The following PCSK6 variants were observed in gnomAD, a reference collection of about 807,000 sequenced individuals.
PCSK6 encodes the protein proprotein convertase subtilisin/kexin type 6.
Under a neutral mutation model 123.3 loss-of-function variants are expected in PCSK6, and 85 were observed. The ratio of observed to expected loss-of-function variants is 0.69; its 90% CI spans 0.58 to 0.83. The LOEUF is 0.83. PCSK6 is among the 40% of genes least tolerant of loss of function. The pLI, the probability that PCSK6 is intolerant of heterozygous loss-of-function variation, is 0.00. For missense variants in PCSK6, 1,191 were observed against 1,282.3 expected (o/e 0.93, Z 1.09); for synonymous variants, 508 against 516.0 (o/e 0.98, Z 0.21).
chr15:101,404,839 G>A (rs937386082), intron 6 of PCSK6, among the ~76,000 whole-genome samples: 1 of 152,134 alleles, frequency 6.6e-6, no homozygotes, highest in Non-Finnish European at 1.5e-5. Context: ...CAATTCTGAT[G>A]CTCTAAGTGG....
chr15:101,432,459 C>CAAA (rs56385883), intron 2 of PCSK6, among the ~76,000 whole-genome samples: 2,227 of 117,246 alleles, frequency 0.019, 93 homozygotes, highest in African/African-American at 0.057. Flanking sequence ...CCCACCTCTC[C>CAAA]AAAAAAAAAA....
chr15:101,396,636 G>A (rs766947616), intron 7 of PCSK6, among the ~76,000 whole-genome samples: 2 of 152,100 alleles, frequency 1.3e-5, no homozygotes, highest in East Asian at 1.9e-4. Context: ...TTATGTATTC[G>A]GCAGTTCTTG....
At chr15:101,417,333 C>T (rs1461543455) in intron 6 of PCSK6, among the ~76,000 whole-genome samples, 10 of 152,096 alleles carry the variant, frequency 6.6e-5, no homozygotes, top group Admixed American at 1.3e-4. Flanking sequence ...AGTGTGAAAA[C>T]GGACTAATGC....
At chr15:101,308,148 G>A (rs1211080575) in intron 20 of PCSK6, 3 of 152,296 alleles carry the variant, frequency 2.0e-5, no homozygotes, top group South Asian at 2.1e-4. Context: ...GAAGGAGCAC[G>A]TTTCCCATCC....
rs2141120948 is a variant in PCSK6 at position 101,432,091 on chromosome 15, G to A, written c.412C>T (p.Leu138Phe). 2.5e-6 allele frequency: 4 copies of A among 1,613,066 alleles called. No homozygotes were observed. In the East Asian group the frequency reaches 6.7e-5, roughly 27 times the overall value. Residue 138 changes from leucine to phenylalanine, a missense_variant, in exon 3 of 22, where the codon CTC (leucine) becomes TTC (phenylalanine). This residue lies in a region of PCSK6 where 357 missense variants were observed against 484.5 expected (regional missense o/e 0.74). Transcript: ENST00000611716. ...CTTCGTTTCACTTCCTGTTGCTGGA[G>A]CCATTTCACCTACCAGAAGAAATGC... ...FLRMDPQVKW[L>F]QQQEVKRRVK...
intron 1 of PCSK6, among the ~76,000 whole-genome samples, chr15:101,479,110 G>A (rs1278162105): frequency 6.6e-6 from 1 of 152,182 alleles, no homozygotes; most frequent in Non-Finnish European, 1.5e-5. Flanking sequence ...AGGGTCTAGC[G>A]GGGAGAGAGA....
rs149727892 is a variant in PCSK6 at position 101,446,781 on chromosome 15, G to A, written c.298-3121C>T. On this transcript the variant is annotated intron_variant, in intron 1 of 21. Transcript: ENST00000611716. ...GGCTGGGAAGTGGCGGTCCATACAC[G>A]GAGTGACTCAAACACAGGTGCGGCT... Among the ~76,000 whole-genome samples the A allele has an allele frequency of 7.6e-3, 1,155 of 152,306 alleles. 15 individuals carry two copies. The highest frequency in any genetic ancestry group is 0.025 in the African/African-American group (1,041 of 41,564).
chr15:101,421,327 G>A (rs1401618081), intron 6 of PCSK6, among the ~76,000 whole-genome samples: 2 of 152,178 alleles, frequency 1.3e-5, no homozygotes, highest in Non-Finnish European at 2.9e-5. Flanking sequence ...TATAAGGAAT[G>A]TGCAGTTTTA....
intron 13 of PCSK6, among the ~76,000 whole-genome samples, chr15:101,341,248 G>GTTTTTTTTT: frequency 7.7e-6 from 1 of 129,642 alleles, no homozygotes; most frequent in African/African-American, 3.0e-5. Flanking sequence ...AAAGTGTGGG[G>GTTTTTTTTT]TTTTTTTTTT....
At chr15:101,416,192 G>A (rs145566216) in intron 6 of PCSK6, among the ~76,000 whole-genome samples, 1 of 152,336 alleles carries the variant, frequency 6.6e-6, no homozygotes, top group Non-Finnish European at 1.5e-5. Context: ...CCATGGTCAG[G>A]TGGTCTCAGA....
At chr15:101,461,351 A>C (rs1427468147) in intron 1 of PCSK6, among the ~76,000 whole-genome samples, 1 of 152,238 alleles carries the variant, frequency 6.6e-6, no homozygotes, top group African/African-American at 2.4e-5. Flanking sequence ...TCCACTAAAG[A>C]AACTGAAACA....
At chr15:101,393,724 C>G (rs140006494) in intron 7 of PCSK6, among the ~76,000 whole-genome samples, 70 of 152,308 alleles carry the variant, frequency 4.6e-4, no homozygotes, top group Non-Finnish European at 1.2e-4. Flanking sequence ...ACAAGCTGCT[C>G]TATTCCAGAG....
chr15:101,341,330 C>A (rs1159566806), intron 13 of PCSK6, among the ~76,000 whole-genome samples: 1 of 149,864 alleles, frequency 6.7e-6, no homozygotes, highest in Non-Finnish European at 1.5e-5. Context: ...CTCACTGCAA[C>A]CTCTGCCTCC....
chr15:101,363,529 T>G (rs2041296024), intron 13 of PCSK6, among the ~76,000 whole-genome samples: 1 of 152,242 alleles, frequency 6.6e-6, no homozygotes, highest in South Asian at 2.1e-4. Flanking sequence ...CAATACACTT[T>G]GGGGCTTTTA....
chr15:101,358,374 C>G (rs1045418328), intron 13 of PCSK6, among the ~76,000 whole-genome samples: 3 of 152,242 alleles, frequency 2.0e-5, no homozygotes, highest in Non-Finnish European at 4.4e-5. Flanking sequence ...CTCACAAGCC[C>G]TTCCTTGTTT....
At chr15:101,360,147 G>C (rs1354882040) in intron 13 of PCSK6, among the ~76,000 whole-genome samples, 1 of 152,122 alleles carries the variant, frequency 6.6e-6, no homozygotes, top group African/African-American at 2.4e-5. Flanking sequence ...GAATCTGACT[G>C]CTTCATACAC....
intron 6 of PCSK6, among the ~76,000 whole-genome samples, chr15:101,411,133 C>T (rs548485373): frequency 2.6e-5 from 4 of 152,182 alleles, no homozygotes; most frequent in Non-Finnish European, 4.4e-5. Context: ...TGAGGAAAGA[C>T]GGGAAGCAGA....
intron 15 of PCSK6, among the ~76,000 whole-genome samples, chr15:101,328,182 C>T (rs1433795262): frequency 6.6e-6 from 1 of 152,220 alleles, no homozygotes; most frequent in Non-Finnish European, 1.5e-5. Flanking sequence ...CCAGCGAACG[C>T]GGGGCTGTCG....
intron 13 of PCSK6, chr15:101,347,033 T>A: frequency 8.1e-7 from 1 of 1,231,748 alleles, no homozygotes. Context: ...AAAATGGAAC[T>A]TTTTGACAAC....
Sources: gnomAD v4.1 joint callset for allele counts (sites outside exome capture counted in the v4.1 genomes callset) on GRCh38, gnomAD v4.1.1 for gene constraint, gnomAD v4.1.1 regional missense constraint, MANE v1.5 for transcripts, NCBI Gene and HGNC (gene_info 2026-07-23, HGNC 2026-07-21) for gene names.